Variants in NUDC observed in about 807,000 individuals in gnomAD.
NUDC encodes nuclear distribution C, dynein complex regulator.
NUDC carries 14 observed loss-of-function variants against 45.0 expected under a neutral mutation model. The observed-to-expected ratio is 0.31, with a 90% CI of 0.21 to 0.49. The LOEUF (loss-of-function observed/expected upper bound fraction) is 0.49. Ranked by LOEUF, NUDC falls within the 20% of genes least tolerant of loss-of-function variation. The pLI is 0.99. For synonymous variants in NUDC, 153 were observed against 156.7 expected, an observed-to-expected ratio of 0.98 and a Z score of 0.17; for missense variants, 323 against 426.2, an observed-to-expected ratio of 0.76 and a Z score of 2.13.
chr1:26,913,985 T>C, intron 3 of NUDC: 1 of 1,388,384 alleles, frequency 7.2e-7, no homozygotes, highest in Non-Finnish European at 9.4e-7. Flanking sequence ...CTCTGTGTTC[T>C]GCGCTGTGGG....
intron 2 of NUDC, chr1:26,929,635 C>A: frequency 3.3e-6 from 1 of 305,396 alleles, no homozygotes; most frequent in Non-Finnish European, 7.0e-6. Context: ...TACGGTGGGA[C>A]TACCCTATTG....
intron 1 of NUDC, 95 bp downstream of exon 1, chr1:26,922,024 T>C: frequency 7.6e-7 from 1 of 1,307,666 alleles, no homozygotes; most frequent in Non-Finnish European, 1.1e-6. Context: ...CCCCAGCGGC[T>C]CGCGGGCTTC....
upstream of NUDC, among the ~76,000 whole-genome samples, chr1:26,917,430 T>C (rs1183554372): frequency 6.6e-6 from 1 of 150,810 alleles, no homozygotes; most frequent in African/African-American, 2.4e-5. Flanking sequence ...GGTATGGTGG[T>C]GCACGCCTGT....
At chr1:26,915,175 T>C (rs2082056189) in intron 3 of NUDC, among the ~76,000 whole-genome samples, 1 of 151,832 alleles carries the variant, frequency 6.6e-6, no homozygotes, top group African/African-American at 2.4e-5. Context: ...TCTTACTTTA[T>C]GAGACTAAAA....
At chr1:26,927,255 GAGAT>G (rs1480579034) in intron 2 of NUDC, among the ~76,000 whole-genome samples, 36 of 114,532 alleles carry the variant, frequency 3.1e-4, no homozygotes, top group Non-Finnish European at 7.4e-5. Flanking sequence ...AGAAGGGAGA[GAGAT>G]GAACCGTGTG....
chr1:26,922,910 C>G (rs894373863), intron 1 of NUDC, among the ~76,000 whole-genome samples: 9 of 152,156 alleles, frequency 5.9e-5, no homozygotes, highest in African/African-American at 1.9e-4. Flanking sequence ...CTAAACTGTT[C>G]GCACAAAACT....
At chr1:26,916,961 GATAA>G (rs1283762226), upstream of NUDC, among the ~76,000 whole-genome samples, 9 of 151,604 alleles carry the variant, frequency 5.9e-5, no homozygotes, top group East Asian at 9.8e-4. Flanking sequence ...ACTAAAAATA[GATAA>G]ATAAATAAAA....
intron 1 of NUDC, among the ~76,000 whole-genome samples, chr1:26,901,282 G>A (rs1308128517): frequency 6.6e-6 from 1 of 151,360 alleles, no homozygotes; most frequent in East Asian, 1.9e-4. Flanking sequence ...GTAGAGATGG[G>A]GTCTCACTGC....
intron 2 of NUDC, among the ~76,000 whole-genome samples, chr1:26,930,555 A>G (rs775335337): frequency 2.6e-5 from 4 of 152,122 alleles, no homozygotes; most frequent in Admixed American, 1.3e-4. Flanking sequence ...CAAAAAATAG[A>G]AAATCATAGC....
chr1:26,922,000 A>G, intron 1 of NUDC, 71 bp downstream of exon 1: 3 of 1,463,204 alleles, frequency 2.1e-6, no homozygotes, highest in South Asian at 2.4e-5. Context: ...TCTGCCTTCG[A>G]GGGCTGAGAC....
intron 1 of NUDC, 172 bp downstream of exon 1, chr1:26,922,101 G>A (rs937376668): frequency 8.8e-6 from 6 of 681,578 alleles, no homozygotes; most frequent in African/African-American, 1.8e-5. Context: ...GGTCTCACCC[G>A]GTTCGCATCA....
upstream of NUDC, among the ~76,000 whole-genome samples, chr1:26,919,168 T>C (rs1036457471): frequency 1.3e-5 from 2 of 151,808 alleles, no homozygotes; most frequent in African/African-American, 4.8e-5. Flanking sequence ...ACTGCAGCCT[T>C]GACCTCCCAG....
intron 1 of NUDC, among the ~76,000 whole-genome samples, chr1:26,902,005 G>A (rs2081981478): frequency 6.6e-6 from 1 of 152,128 alleles, no homozygotes; most frequent in Non-Finnish European, 1.5e-5. Flanking sequence ...AAGACTTATT[G>A]ATAATGTTGA....
At chr1:26,912,195 G>C (rs2082032188) in intron 3 of NUDC, 1 of 1,406,400 alleles carries the variant, frequency 7.1e-7, no homozygotes, top group East Asian at 2.5e-5. Flanking sequence ...TGCCTCCTTT[G>C]CTCGGCCTTT....
intron 2 of NUDC, among the ~76,000 whole-genome samples, chr1:26,903,617 C>T (rs925118880): frequency 4.6e-5 from 7 of 152,228 alleles, no homozygotes; most frequent in Middle Eastern, 3.4e-3. Context: ...CTTCTAATCC[C>T]ATCGCTTTGA....
At chr1:26,907,522 G>T (rs1272802720) in intron 2 of NUDC, among the ~76,000 whole-genome samples, 1 of 151,574 alleles carries the variant, frequency 6.6e-6, no homozygotes, top group African/African-American at 2.4e-5. Context: ...AGTGGGTGTT[G>T]GCTTTTTGCC....
intron 2 of NUDC, among the ~76,000 whole-genome samples, chr1:26,932,901 G>A (rs35969145): frequency 0.067 from 10,177 of 152,136 alleles, 378 homozygotes; most frequent in Non-Finnish European, 0.078. Context: ...CCACATTGTA[G>A]CATGTGACAG....
chr1:26,946,124 C>T lies in NUDC; in HGVS notation c.945-6C>T. On this transcript the variant is annotated splice_polypyrimidine_tract_variant and splice_region_variant and intron_variant, in intron 8 of 8. Transcript: ENST00000321265. ...GAGCTGTTTCATCTTGCTTCCGTTT[C>T]TCCAGGTTCATGGATCAACATCCGG... 6.2e-7 allele frequency: 1 copy of T among 1,613,846 alleles called. No individual in the cohort carries two copies. Among genetic ancestry groups the T allele is most frequent in the Non-Finnish European group, 8.5e-7 (1 of 1,179,760 alleles).
chr1:26,917,270 A>G (rs577305792), upstream of NUDC, among the ~76,000 whole-genome samples: 30 of 151,240 alleles, frequency 2.0e-4, no homozygotes, highest in Non-Finnish European at 3.8e-4. Flanking sequence ...AATAATAATA[A>G]TAATAATAGG....
Sources: gnomAD v4.1 joint callset for allele counts (sites outside exome capture counted in the v4.1 genomes callset) on GRCh38, gnomAD v4.1.1 for gene constraint, MANE v1.5 for transcripts, NCBI Gene and HGNC (gene_info 2026-07-23, HGNC 2026-07-21) for gene names.